Variants in PLCXD3 observed in about 807,000 individuals in gnomAD.
PLCXD3 encodes PI-PLC X domain-containing protein 3.
PLCXD3 carries 19 observed loss-of-function variants against 25.5 expected under a neutral mutation model. The observed-to-expected ratio is 0.75, with a 90% CI of 0.52 to 1.09. PLCXD3 has a LOEUF of 1.09. Among genes scored for constraint, PLCXD3 ranks in the 50% least tolerant of loss-of-function variants. PLCXD3 has a pLI of 0.00. For missense variants in PLCXD3, 411 were observed against 388.1 expected (o/e 1.06, Z -0.50); for synonymous variants, 174 against 137.6 (o/e 1.26, Z -1.85).
chr5:41,329,355 C>T (rs988933632), intron 2 of PLCXD3, among the ~76,000 whole-genome samples: 5 of 152,172 alleles, frequency 3.3e-5, no homozygotes, highest in South Asian at 2.1e-4. Flanking sequence ...TCTTTGAGGG[C>T]TGTTTTCCTA....
At chr5:41,323,267 A>T (rs1303324533) in intron 2 of PLCXD3, among the ~76,000 whole-genome samples, 2 of 151,492 alleles carry the variant, frequency 1.3e-5, no homozygotes, top group African/African-American at 4.9e-5. Context: ...TAAAAAGTAT[A>T]AAAAAAAGTT....
intron 1 of PLCXD3, among the ~76,000 whole-genome samples, chr5:41,467,857 C>T (rs1748057190): frequency 6.6e-6 from 1 of 152,110 alleles, no homozygotes; most frequent in Admixed American, 6.6e-5. Context: ...TGCCAAAAAT[C>T]AGTTGACTGT....
At chr5:41,414,597 C>G (rs922092890) in intron 1 of PLCXD3, among the ~76,000 whole-genome samples, 1 of 152,136 alleles carries the variant, frequency 6.6e-6, no homozygotes, top group African/African-American at 2.4e-5. Flanking sequence ...GCATAAGTAG[C>G]CTGTTACAAA....
At chr5:41,336,145 C>G (rs1183650618) in intron 2 of PLCXD3, among the ~76,000 whole-genome samples, 1 of 152,126 alleles carries the variant, frequency 6.6e-6, no homozygotes, top group Admixed American at 6.5e-5. Context: ...TTCCCCAATT[C>G]TCATCTTCCT....
intron 1 of PLCXD3, among the ~76,000 whole-genome samples, chr5:41,390,995 C>T (rs1310656797): frequency 2.0e-5 from 3 of 152,166 alleles, no homozygotes; most frequent in African/African-American, 7.2e-5. Context: ...AGCTGATGCT[C>T]GCTTCCTAAG....
intron 1 of PLCXD3, among the ~76,000 whole-genome samples, chr5:41,392,374 T>A (rs986643182): frequency 6.6e-6 from 1 of 152,122 alleles, no homozygotes; most frequent in Non-Finnish European, 1.5e-5. Context: ...AGAGACTCTG[T>A]ATATTTGGGA....
At chr5:41,483,353 C>A (rs1009668712) in intron 1 of PLCXD3, among the ~76,000 whole-genome samples, 1 of 152,010 alleles carries the variant, frequency 6.6e-6, no homozygotes, top group Non-Finnish European at 1.5e-5. Flanking sequence ...AATATTGGAC[C>A]GGATGCGAAA....
intron 2 of PLCXD3, among the ~76,000 whole-genome samples, chr5:41,372,890 A>C (rs1745147214): frequency 6.6e-6 from 1 of 152,018 alleles, no homozygotes; most frequent in Non-Finnish European, 1.5e-5. Flanking sequence ...CAAAAAATAC[A>C]AAAATCAGCC....
chr5:41,424,424 C>T (rs1210745617), intron 1 of PLCXD3, among the ~76,000 whole-genome samples: 2 of 152,220 alleles, frequency 1.3e-5, no homozygotes, highest in Admixed American at 1.3e-4. Context: ...CCTGTAATCC[C>T]AGCTACTCGG....
chr5:41,475,458 T>A (rs568287383), intron 1 of PLCXD3, among the ~76,000 whole-genome samples: 1 of 152,352 alleles, frequency 6.6e-6, no homozygotes, highest in South Asian at 2.1e-4. Flanking sequence ...TCTGTCCGTA[T>A]GGTCCCTGTT....
At chr5:41,385,465 T>G (rs1745607282) in intron 1 of PLCXD3, among the ~76,000 whole-genome samples, 1 of 152,128 alleles carries the variant, frequency 6.6e-6, no homozygotes, top group Non-Finnish European at 1.5e-5. Flanking sequence ...TTGCTTTGGC[T>G]CTGAATAAAT....
intron 2 of PLCXD3, among the ~76,000 whole-genome samples, chr5:41,372,298 T>A (rs112757564): frequency 0.082 from 8,932 of 108,876 alleles, 347 homozygotes; most frequent in Admixed American, 0.13. Flanking sequence ...TCTCTCTCTC[T>A]CACACACACA....
intron 1 of PLCXD3, among the ~76,000 whole-genome samples, chr5:41,494,874 G>A (rs1352500447): frequency 2.0e-5 from 3 of 152,168 alleles, no homozygotes; most frequent in African/African-American, 7.2e-5. Flanking sequence ...AATAAAAGAG[G>A]CTACAGCTCA....
chr5:41,381,589 T>C lies in PLCXD3; in HGVS notation c.812+237A>G, dbSNP rs1338187394. On this transcript the variant is annotated intron_variant, in intron 2 of 2. Transcript: ENST00000377801. Reference sequence around the variant, plus strand: ...TAGGAGAGAGGCATGAAACAGATTCTTTTTTAGAGTCCTCAGAAGGAACCA... The same window carrying C: ...TAGGAGAGAGGCATGAAACAGATTCCTTTTTAGAGTCCTCAGAAGGAACCA... Among the ~76,000 whole-genome samples, 3 of 152,086 alleles carry C rather than the reference T, an allele frequency of 2.0e-5. No individual in the cohort carries two copies. The South Asian group carries it at 6.2e-4, about 32-fold the overall frequency.
chr5:41,437,321 T>C (rs1422591486), intron 1 of PLCXD3, among the ~76,000 whole-genome samples: 4 of 152,234 alleles, frequency 2.6e-5, no homozygotes, highest in Non-Finnish European at 5.9e-5. Flanking sequence ...TGATCTTTCA[T>C]TCAAATACGT....
chr5:41,347,598 C>T (rs967811427), intron 2 of PLCXD3, among the ~76,000 whole-genome samples: 22 of 152,204 alleles, frequency 1.4e-4, no homozygotes, highest in African/African-American at 5.1e-4. Flanking sequence ...TCTGTAGATA[C>T]TAGTTACCAA....
chr5:41,453,889 CT>C (rs774254504), intron 1 of PLCXD3, among the ~76,000 whole-genome samples: 2 of 151,888 alleles, frequency 1.3e-5, no homozygotes, highest in African/African-American at 2.4e-5. Flanking sequence ...ACTATGTGTC[CT>C]TTTTAGACTC....
chr5:41,465,127 T>G (rs750991809), intron 1 of PLCXD3, among the ~76,000 whole-genome samples: 3 of 151,976 alleles, frequency 2.0e-5, no homozygotes, highest in African/African-American at 7.2e-5. Context: ...ATTATCCATA[T>G]TTTGGGGAGT....
intron 1 of PLCXD3, among the ~76,000 whole-genome samples, chr5:41,491,542 T>A (rs1230948641): frequency 7.2e-5 from 11 of 152,158 alleles, no homozygotes; most frequent in Non-Finnish European, 1.5e-4. Context: ...GGTGTTAAAG[T>A]CTCCCATTAT....
Sources: gnomAD v4.1 joint callset for allele counts (sites outside exome capture counted in the v4.1 genomes callset) on GRCh38, gnomAD v4.1.1 for gene constraint, MANE v1.5 for transcripts, NCBI Gene and HGNC (gene_info 2026-07-23, HGNC 2026-07-21) for gene names.